The following HADHB variants were observed in gnomAD, a reference collection of about 807,000 sequenced individuals.
HADHB encodes the protein trifunctional enzyme subunit beta, mitochondrial.
Under a neutral mutation model 61.9 loss-of-function variants are expected in HADHB, and 50 were observed. That is an observed-to-expected ratio of 0.81 (90% CI 0.64 to 1.02). The LOEUF is 1.02. HADHB is among the 50% of genes least tolerant of loss of function. HADHB has a pLI of 0.00. For missense variants in HADHB, 504 were observed against 586.5 expected (o/e 0.86, Z 1.45); for synonymous variants, 191 against 201.6 (o/e 0.95, Z 0.45).
chr2:26,272,756 C>T (rs1053068244), intron 5 of HADHB, among the ~76,000 whole-genome samples: 2 of 152,076 alleles, frequency 1.3e-5, no homozygotes, highest in African/African-American at 2.4e-5. Context: ...TCTTAAAAAA[C>T]CTTTTGTCCT....
In HADHB at chr2:26,284,856, T is replaced by C. The variant is rs17528653; in HGVS notation, c.1150-27T>C. The C allele has an allele frequency of 0.2, 232,226 of 1,160,718 alleles. 25,303 individuals are homozygous for C. Among genetic ancestry groups the C allele is most frequent in the Middle Eastern group, 0.26 (1,371 of 5,182 alleles). 71.9% of individuals were successfully genotyped at this position (1,160,718 alleles called of 1,614,324 possible). ...GCGTAGAGGAACATGAATAACGAGG[T>C]TCTTATTCGATTATTTTCTCTTCCA... is the stretch of plus-strand genomic sequence containing the variant. On this transcript the variant is annotated intron_variant, in intron 13 of 15. Coordinates refer to ENST00000317799, the MANE Select transcript of HADHB (RefSeq NM_000183.3).
chr2:26,257,891 C>T (rs369702779), intron 3 of HADHB, among the ~76,000 whole-genome samples: 2 of 151,846 alleles, frequency 1.3e-5, no homozygotes, highest in Non-Finnish European at 2.9e-5. Flanking sequence ...TGGTGGCGGG[C>T]GCCTGTAATC....
Position 26,279,271 on chromosome 2 carries a change from A to G in HADHB, c.767A>G (p.Gln256Arg). The G allele has an allele frequency of 6.2e-7, 1 of 1,613,414 alleles. No homozygotes were observed. Among genetic ancestry groups the G allele is most frequent in the South Asian group, 1.1e-5 (1 of 91,060 alleles). The change falls in exon 9 of 16, where the codon CAG becomes CGG. Residue 256 changes from glutamine to arginine, a missense_variant. Transcript: ENST00000317799. ...LRSHSLAKKAQDEGLLSDVVP... is the reference protein window; with the variant it reads ...LRSHSLAKKARDEGLLSDVVP... ...TCTCACAGTCTAGCCAAGAAGGCACAGGATGAAGGACTCCTTTCTGATGTG... is the reference window on the plus strand; with the variant it reads ...TCTCACAGTCTAGCCAAGAAGGCACGGGATGAAGGACTCCTTTCTGATGTG...
chr2:26,254,290 C>T lies in HADHB; in HGVS notation c.36C>T (p.Pro12=). The change falls in exon 2 of 16, where the codon CCC becomes CCT. Residue 12 remains proline, a synonymous_variant. Transcript: ENST00000317799. ...TGACTTACCCCTTTAAAAATCTTCC[C>T]ACTGCATCAAAATGGGCCCTCAGAT... ...TILTYPFKNL[P]TASKWALRFS... 6.5e-7 allele frequency: 1 copy of T among 1,532,986 alleles called. No individual in the cohort carries two copies. The highest frequency in any genetic ancestry group is 9.0e-7 in the Non-Finnish European group (1 of 1,106,314). 95.0% of individuals were successfully genotyped at this position (1,532,986 alleles called of 1,614,324 possible). A position where few individuals can be genotyped will look rare whatever the true frequency, so the allele number is the denominator to read the frequency against.
At chr2:26,269,794 A>C (rs756189597) in intron 4 of HADHB, among the ~76,000 whole-genome samples, 159 bp from the exon 5 acceptor site, 3 of 152,302 alleles carry the variant, frequency 2.0e-5, no homozygotes, top group Middle Eastern at 6.8e-3. Context: ...GCGAAGTCAC[A>C]CTATTTCTTC....
chr2:26,287,029 C>G (rs908557086), intron 15 of HADHB, among the ~76,000 whole-genome samples: 4 of 151,282 alleles, frequency 2.6e-5, no homozygotes, highest in Non-Finnish European at 5.9e-5. Context: ...CATGGTGAAA[C>G]CTTGTCTCTA....
At chr2:26,267,065 T>G (rs965633373) in intron 4 of HADHB, among the ~76,000 whole-genome samples, 1 of 152,018 alleles carries the variant, frequency 6.6e-6, no homozygotes, top group African/African-American at 2.4e-5. Context: ...TAAAAATATT[T>G]TGGAGTTTTT....
chr2:26,281,314 A>T lies in HADHB; in HGVS notation c.933+1199A>T, dbSNP rs79171880. ...GTTTCTCTTACAATGTAACTCTCCT[A>T]CCTGGCCATAAAGTCTTGAAAACAT... is the stretch of plus-strand genomic sequence containing the variant. On this transcript the variant is annotated intron_variant, in intron 10 of 15. Transcript: ENST00000317799. Among the ~76,000 whole-genome samples, 1,393 of 152,234 alleles carry T rather than the reference A, an allele frequency of 9.2e-3. 9 individuals carry two copies. Among genetic ancestry groups the T allele is most frequent in the Non-Finnish European group, 0.014 (974 of 68,016 alleles).
At chr2:26,262,253 A>G (rs756881704) in intron 3 of HADHB, among the ~76,000 whole-genome samples, 4 of 152,222 alleles carry the variant, frequency 2.6e-5, no homozygotes, top group Admixed American at 6.5e-5. Flanking sequence ...ATAAGGAATA[A>G]TGATAGAGTA....
In HADHB at chr2:26,280,065, G is replaced by T. The variant is rs745484092; in HGVS notation, c.883G>T (p.Ala295Ser). 1.2e-6 allele frequency: 2 copies of T among 1,611,078 alleles called. No individual in the cohort carries two copies. Among genetic ancestry groups the T allele is most frequent in the Non-Finnish European group, 1.7e-6 (2 of 1,177,800 alleles). The change falls in exon 10 of 16, where the codon GCA (alanine) becomes TCA (serine). Residue 295 changes from alanine (A) to serine (S), a missense_variant. Physicochemically the swap from Ala to Ser is moderately conservative, Grantham distance 99 (BLOSUM62 1). Transcript: ENST00000317799. ...GGAGCAGATGGCCAAACTAAAACCT[G>T]CATTCATCAAGCCCTACGGCACAGT... ...SLEQMAKLKP[A>S]FIKPYGTVTA...
intron 10 of HADHB, among the ~76,000 whole-genome samples, chr2:26,282,542 C>T (rs1368529254): frequency 6.6e-6 from 1 of 152,138 alleles, no homozygotes. Context: ...TACAGGCATA[C>T]AGGCATGAGC....
intron 3 of HADHB, among the ~76,000 whole-genome samples, chr2:26,255,549 G>C (rs1008406548): frequency 6.6e-6 from 1 of 151,508 alleles, no homozygotes; most frequent in African/African-American, 2.4e-5. Context: ...TTGGTTCCCA[G>C]GATTCAGAAG....
intron 1 of HADHB, among the ~76,000 whole-genome samples, chr2:26,246,969 C>T (rs764254150): frequency 6.6e-6 from 1 of 152,130 alleles, no homozygotes; most frequent in South Asian, 2.1e-4. Context: ...TGTGTGTGCG[C>T]GTGCGCGTCC....
chr2:26,246,499 C>T (rs921246212), intron 1 of HADHB, among the ~76,000 whole-genome samples: 2 of 151,898 alleles, frequency 1.3e-5, no homozygotes, highest in African/African-American at 4.8e-5. Context: ...ACCACCACGC[C>T]GGGCTAATTT....
intron 3 of HADHB, among the ~76,000 whole-genome samples, chr2:26,258,232 C>A (rs796766541): frequency 3.3e-5 from 5 of 152,216 alleles, no homozygotes; most frequent in African/African-American, 1.2e-4. Context: ...TACGGGTGGG[C>A]CTTTGTTCTT....
At chr2:26,289,830 T>C (rs1228970274) in intron 15 of HADHB, 88 bp from the exon 16 acceptor site, 2 of 911,312 alleles carry the variant, frequency 2.2e-6, no homozygotes, top group Non-Finnish European at 3.7e-6. Flanking sequence ...CTCCAAAGCC[T>C]GTACTTTTCT....
intron 5 of HADHB, among the ~76,000 whole-genome samples, chr2:26,273,087 C>CAAAAA (rs559000048): frequency 8.4e-4 from 111 of 131,998 alleles, no homozygotes; most frequent in African/African-American, 2.9e-3. Flanking sequence ...ATTCTTATCT[C>CAAAAA]AAAAAAAAAA....
At chr2:26,254,673 G>A (rs1308362422) in intron 3 of HADHB, 199 bp downstream of exon 3, 4 of 540,034 alleles carry the variant, frequency 7.4e-6, no homozygotes, top group Non-Finnish European at 1.3e-5. Flanking sequence ...GATTAGGCTT[G>A]AGGATGTTAA....
chr2:26,276,254 G>A (rs924998698), intron 6 of HADHB, among the ~76,000 whole-genome samples: 2 of 152,136 alleles, frequency 1.3e-5, no homozygotes, highest in African/African-American at 4.8e-5. Context: ...GATTAATAAT[G>A]ACCTCAGTTT....
Sources: gnomAD v4.1 joint callset for allele counts (sites outside exome capture counted in the v4.1 genomes callset) on GRCh38, gnomAD v4.1.1 for gene constraint, MANE v1.5 for transcripts, NCBI Gene and HGNC (gene_info 2026-07-23, HGNC 2026-07-21) for gene names.